Variants in PCDHGB2 observed in about 807,000 individuals in gnomAD.
PCDHGB2 encodes the protein protocadherin gamma subfamily B, 2.
A neutral mutation model predicts 59.3 loss-of-function variants in PCDHGB2; 55 were observed. The observed-to-expected ratio is 0.93, with a 90% CI of 0.75 to 1.16. The LOEUF (loss-of-function observed/expected upper bound fraction) is 1.16, where lower values mean the gene tolerates loss of function less well. Ranked by LOEUF, PCDHGB2 falls within the 50% of genes most tolerant of loss-of-function variation. The pLI is 0.00. For synonymous variants in PCDHGB2, 516 were observed against 512.0 expected, an observed-to-expected ratio of 1.01 and a Z score of -0.11; for missense variants, 1,228 against 1,198.5, an observed-to-expected ratio of 1.02 and a Z score of -0.36.
chr5:141,366,847 A>G, intron 1 of PCDHGB2: 1 of 1,478,860 alleles, frequency 6.8e-7, no homozygotes. Context: ...TTATGTAAAT[A>G]GTGGAACATT....
At chr5:141,410,913 G>GC (rs1270456210) in intron 1 of PCDHGB2, 4 of 263,626 alleles carry the variant, frequency 1.5e-5, no homozygotes, top group African/African-American at 1.1e-4. Flanking sequence ...GAGTGCAGTG[G>GC]CGTGATCTCT....
intron 1 of PCDHGB2, among the ~76,000 whole-genome samples, chr5:141,434,567 C>T (rs1220152239): frequency 6.6e-6 from 1 of 152,206 alleles, no homozygotes; most frequent in East Asian, 1.9e-4. Flanking sequence ...TAAGGACATG[C>T]CCCTGCTGCA....
At chr5:141,409,863 A>G in intron 1 of PCDHGB2, 3 of 1,612,376 alleles carry the variant, frequency 1.9e-6, no homozygotes, top group Non-Finnish European at 2.5e-6. Flanking sequence ...TTGGTGGGAG[A>G]CCGCAATGAC....
intron 1 of PCDHGB2, among the ~76,000 whole-genome samples, chr5:141,454,731 G>T (rs1249851832): frequency 6.7e-6 from 1 of 150,262 alleles, no homozygotes; most frequent in Non-Finnish European, 1.5e-5. Context: ...ATATGTTATA[G>T]GATGAAAAGA....
intron 1 of PCDHGB2, chr5:141,441,855 G>T (rs1210416963): frequency 2.8e-6 from 1 of 351,872 alleles, no homozygotes; most frequent in Admixed American, 4.0e-5. Context: ...ATATGGTGCT[G>T]CACGCCGCGG....
intron 1 of PCDHGB2, chr5:141,492,050 C>T (rs2099736541): frequency 4.0e-6 from 2 of 500,984 alleles, no homozygotes; most frequent in South Asian, 7.5e-5. Context: ...AGATCCACCC[C>T]TGCAGCCAGC....
chr5:141,494,962 T>G (rs1644946600), intron 2 of PCDHGB2, 97 bp downstream of exon 2: 4 of 1,596,756 alleles, frequency 2.5e-6, no homozygotes, highest in Non-Finnish European at 3.4e-6. Context: ...TTGCTACAGA[T>G]GGCTTCTCCC....
rs376526750 is a variant in PCDHGB2 at position 141,476,593 on chromosome 5, G to T, written c.2422-18214G>T. The T allele has an allele frequency of 8.5e-5, 138 of 1,614,104 alleles. No individual in the cohort carries two copies. The highest frequency in any genetic ancestry group is 1.1e-4 in the Non-Finnish European group (133 of 1,180,044). On this transcript the variant is annotated intron_variant, in intron 1 of 3. Transcript: ENST00000522605. The surrounding 1 kb of genome is among the most constrained non-coding windows in gnomAD (Gnocchi z 7.6). ...GGACGCGCTTTCCGCTCGAGAGCGCGCACGATCCCGATGTGGGAAGCAACT... is the reference window on the plus strand; with the variant it reads ...GGACGCGCTTTCCGCTCGAGAGCGCTCACGATCCCGATGTGGGAAGCAACT...
rs958652662 is a variant in PCDHGB2, at chr5:141,494,839, T to C, written c.2454T>C (p.Ser818=). 6.2e-7 allele frequency: 1 copy of C among 1,614,106 alleles called. No individual in the cohort carries two copies. Among genetic ancestry groups the C allele is most frequent in the Non-Finnish European group, 8.5e-7 (1 of 1,180,016 alleles). ...QAPPNTDWRF[S]QAQRPGTSGS... ...CGCCCAACACGGACTGGCGTTTCTC[T>C]CAGGCCCAGAGACCCGGCACCAGCG... The change falls in exon 2 of 4, where the codon TCT becomes TCC. Residue 818 remains serine (S), a synonymous_variant. Coordinates refer to ENST00000522605, the MANE Select transcript of PCDHGB2 (RefSeq NM_018923.3).
chr5:141,383,351 G>C, intron 1 of PCDHGB2: 1 of 1,613,992 alleles, frequency 6.2e-7, no homozygotes, highest in Non-Finnish European at 8.5e-7. Flanking sequence ...CCTGGGGTTC[G>C]GTTTCCGTTA....
Position 141,432,229 on chromosome 5 carries a change from C to T in PCDHGB2, c.2422-62578C>T, listed in dbSNP as rs1246285803. Reference sequence around the variant, plus strand: ...AAGAGAACGCCCAGATCACTTATTCCCTGGCTGAGAACACCATCCAAGGGG... The same window carrying T: ...AAGAGAACGCCCAGATCACTTATTCTCTGGCTGAGAACACCATCCAAGGGG... On this transcript the variant is annotated intron_variant, in intron 1 of 3. Coordinates refer to ENST00000522605, the MANE Select transcript of PCDHGB2 (RefSeq NM_018923.3). The surrounding 1 kb of genome is among the most constrained non-coding windows in gnomAD (Gnocchi z 6.0). The T allele has an allele frequency of 6.2e-7, 1 of 1,614,232 alleles. No homozygotes were observed.
At chr5:141,409,735 C>T (rs763035733) in intron 1 of PCDHGB2, 1 of 1,613,006 alleles carries the variant, frequency 6.2e-7, no homozygotes, top group Admixed American at 1.7e-5. Context: ...GCGCGCAGAG[C>T]GGGGTGGTGT....
At chr5:141,472,323 C>T (rs980684595) in intron 1 of PCDHGB2, among the ~76,000 whole-genome samples, 4 of 151,498 alleles carry the variant, frequency 2.6e-5, no homozygotes, top group East Asian at 2.0e-4. Flanking sequence ...AGGCAGATCA[C>T]GAGGTTGGGA....
intron 1 of PCDHGB2, chr5:141,422,846 A>T: frequency 2.5e-6 from 4 of 1,614,102 alleles, no homozygotes; most frequent in Non-Finnish European, 3.4e-6. Flanking sequence ...GACAGCGGGG[A>T]CCCGCCCCTC....
chr5:141,505,681 G>A (rs113733387), intron 3 of PCDHGB2, among the ~76,000 whole-genome samples, 200 bp downstream of exon 3: 92 of 152,324 alleles, frequency 6.0e-4, no homozygotes, highest in African/African-American at 2.1e-3. Flanking sequence ...GGGGTCCTGG[G>A]ATGCCTGGAG....
At chr5:141,388,536 G>A (rs1262935958) in intron 1 of PCDHGB2, 1 of 1,613,716 alleles carries the variant, frequency 6.2e-7, no homozygotes, top group Non-Finnish European at 8.5e-7. Context: ...CTTGGACTTT[G>A]GAGCTCCACC....
intron 1 of PCDHGB2, chr5:141,388,313 T>C: frequency 6.2e-7 from 1 of 1,613,738 alleles, no homozygotes; most frequent in Non-Finnish European, 8.5e-7. Flanking sequence ...TGCAAATAAG[T>C]GAGTCTGCAC....
At chr5:141,478,870 G>A (rs1463992722) in intron 1 of PCDHGB2, 6 of 1,273,242 alleles carry the variant, frequency 4.7e-6, no homozygotes, top group Non-Finnish European at 5.2e-6. Flanking sequence ...AGCGATCAGA[G>A]TTTAGCTTGG....
chr5:141,393,603 G>C, intron 1 of PCDHGB2: 1 of 1,613,928 alleles, frequency 6.2e-7, no homozygotes, highest in East Asian at 2.2e-5. Flanking sequence ...GCTGCTTACT[G>C]TAACAGCCAG....
Sources: gnomAD v4.1 joint callset for allele counts (sites outside exome capture counted in the v4.1 genomes callset) on GRCh38, gnomAD v4.1.1 for gene constraint, Gnocchi (gnomAD v3.1) non-coding constraint, MANE v1.5 for transcripts, NCBI Gene and HGNC (gene_info 2026-07-23, HGNC 2026-07-21) for gene names.